The following SLC35F1 variants were observed in gnomAD, a reference collection of about 807,000 sequenced individuals.
The protein encoded by SLC35F1 is solute carrier family 35 member F1, also known as chromosome 6 open reading frame 169.
In SLC35F1, 14 loss-of-function variants were observed where a neutral mutation model predicts 48.7. The observed-to-expected ratio is 0.29, with a 90% CI of 0.19 to 0.45. The LOEUF is 0.45. Among genes scored for constraint, SLC35F1 ranks in the 20% least tolerant of loss-of-function variants. SLC35F1 has a pLI of 1.00. For synonymous variants in SLC35F1, 190 were observed against 202.2 expected, an observed-to-expected ratio of 0.94 and a Z score of 0.51; for missense variants, 404 against 500.0, an observed-to-expected ratio of 0.81 and a Z score of 1.83.
intron 1 of SLC35F1, among the ~76,000 whole-genome samples, chr6:117,976,810 T>G (rs1252886427): frequency 6.6e-6 from 1 of 152,200 alleles, no homozygotes; most frequent in Non-Finnish European, 1.5e-5. Context: ...TGCTCCATAA[T>G]CCTATAAATC....
rs185484761 is a variant in SLC35F1 at position 118,140,449 on chromosome 6, T to A, written c.174-13996T>A. On this transcript the variant is annotated intron_variant, in intron 1 of 7. Transcript: ENST00000360388. ...TAGTGGTGTAAACAAACTTCTATGCTGGCAGTCGTACAAAAGTATAGCACA... is the reference window on the plus strand; with the variant it reads ...TAGTGGTGTAAACAAACTTCTATGCAGGCAGTCGTACAAAAGTATAGCACA... 5.9e-5 allele frequency among the ~76,000 whole-genome samples: 9 copies of A among 152,364 alleles called. No homozygotes were observed. In the East Asian group the frequency reaches 1.7e-3, roughly 29 times the overall value.
At chr6:118,098,986 T>C (rs1260078042) in intron 1 of SLC35F1, among the ~76,000 whole-genome samples, 2 of 152,170 alleles carry the variant, frequency 1.3e-5, no homozygotes, top group Non-Finnish European at 2.9e-5. Context: ...TTATATATAA[T>C]GATGAATGTT....
intron 2 of SLC35F1, among the ~76,000 whole-genome samples, chr6:118,171,817 G>T (rs1397255156): frequency 6.8e-6 from 1 of 146,984 alleles, no homozygotes; most frequent in African/African-American, 2.7e-5. Flanking sequence ...GTGTAAGAGT[G>T]TGTCCCAGTG....
chr6:118,249,017 C>T (rs1472681316), intron 3 of SLC35F1, among the ~76,000 whole-genome samples: 2 of 152,208 alleles, frequency 1.3e-5, no homozygotes, highest in African/African-American at 2.4e-5. Context: ...AGAGAAATGA[C>T]TGCTGTCTAT....
intron 7 of SLC35F1, among the ~76,000 whole-genome samples, chr6:118,287,184 C>T (rs554505974): frequency 6.6e-6 from 1 of 152,152 alleles, no homozygotes; most frequent in Non-Finnish European, 1.5e-5. Flanking sequence ...GCTGGGAAGA[C>T]CAGCTTCCTT....
rs928777867 is a variant in SLC35F1, at chr6:118,174,684, C to G, written c.349+20064C>G. ...TCCATATTTGTTGAAACACATCAAACAGATCCATGAAGCTCAGCAAATCCC... is the reference window on the plus strand; with the variant it reads ...TCCATATTTGTTGAAACACATCAAAGAGATCCATGAAGCTCAGCAAATCCC... On this transcript the variant is annotated intron_variant, in intron 2 of 7. Coordinates refer to ENST00000360388, the MANE Select transcript of SLC35F1 (RefSeq NM_001029858.4). 4.6e-5 allele frequency among the ~76,000 whole-genome samples: 7 copies of G among 151,932 alleles called. No homozygotes were observed. In the East Asian group the frequency reaches 1.4e-3, roughly 29 times the overall value.
chr6:118,304,517 T>G (rs1484973122), intron 7 of SLC35F1, among the ~76,000 whole-genome samples: 1 of 152,174 alleles, frequency 6.6e-6, no homozygotes, highest in Non-Finnish European at 1.5e-5. Context: ...GATGGGTTGA[T>G]TGTTCTGTTC....
In SLC35F1 at chr6:118,142,369, G is replaced by A. The variant is rs138806697; in HGVS notation, c.174-12076G>A. On this transcript the variant is annotated intron_variant, in intron 1 of 7. Transcript: ENST00000360388. ...AGAATGGAACAGATTAACATATCAAGTCTTTAAACATTCTCCTTAGATTGC... is the reference window on the plus strand; with the variant it reads ...AGAATGGAACAGATTAACATATCAAATCTTTAAACATTCTCCTTAGATTGC... Among the ~76,000 whole-genome samples the A allele has an allele frequency of 2.7e-3, 413 of 152,240 alleles. 2 individuals are homozygous for A. Among genetic ancestry groups the A allele is most frequent in the African/African-American group, 9.2e-3 (382 of 41,566 alleles).
intron 1 of SLC35F1, among the ~76,000 whole-genome samples, chr6:117,920,483 A>T (rs1331889521): frequency 6.6e-6 from 1 of 152,192 alleles, no homozygotes; most frequent in Non-Finnish European, 1.5e-5. Context: ...CTACTTGCGG[A>T]GAAAGTCTGA....
intron 1 of SLC35F1, among the ~76,000 whole-genome samples, chr6:118,079,176 T>C (rs938754082): frequency 6.6e-6 from 1 of 152,172 alleles, no homozygotes; most frequent in African/African-American, 2.4e-5. Flanking sequence ...AGAAACTCTG[T>C]AAATATTAAG....
intron 1 of SLC35F1, among the ~76,000 whole-genome samples, chr6:118,143,525 C>T (rs1052181446): frequency 7.2e-5 from 11 of 152,042 alleles, no homozygotes; most frequent in Admixed American, 1.3e-4. Flanking sequence ...TGTTTTCCTT[C>T]CTCAGTTTCT....
At chr6:117,943,688 C>T (rs1776260680) in intron 1 of SLC35F1, among the ~76,000 whole-genome samples, 1 of 152,130 alleles carries the variant, frequency 6.6e-6, no homozygotes, top group Admixed American at 6.6e-5. Flanking sequence ...TTGAAGTGAA[C>T]ATGAGGACTA....
chr6:117,908,598 C>G (rs192814708), intron 1 of SLC35F1, among the ~76,000 whole-genome samples: 441 of 152,344 alleles, frequency 2.9e-3, no homozygotes, highest in African/African-American at 0.01. Flanking sequence ...GGGTGCCGAT[C>G]GCCGGCGCCT....
chr6:118,076,521 C>T (rs1427806034), intron 1 of SLC35F1, among the ~76,000 whole-genome samples: 4 of 152,032 alleles, frequency 2.6e-5, no homozygotes, highest in Admixed American at 6.6e-5. Context: ...CACATGGTGA[C>T]GAGAGAGACG....
At chr6:118,219,877 A>G (rs185924577) in intron 2 of SLC35F1, among the ~76,000 whole-genome samples, 1 of 152,284 alleles carries the variant, frequency 6.6e-6, no homozygotes, top group East Asian at 1.9e-4. Context: ...AGGGACATGG[A>G]TGGAGCTGGA....
chr6:118,233,626 T>C (rs949715554), intron 2 of SLC35F1, among the ~76,000 whole-genome samples: 1 of 152,168 alleles, frequency 6.6e-6, no homozygotes, highest in African/African-American at 2.4e-5. Flanking sequence ...TATGGATAAG[T>C]ATATGAGTAA....
intron 1 of SLC35F1, among the ~76,000 whole-genome samples, chr6:118,068,980 G>A (rs549228731): frequency 6.6e-6 from 1 of 152,128 alleles, no homozygotes; most frequent in African/African-American, 2.4e-5. Flanking sequence ...AATATAATAT[G>A]TGCCAAAAGT....
intron 1 of SLC35F1, among the ~76,000 whole-genome samples, chr6:118,140,420 G>A (rs116883440): frequency 6.6e-6 from 1 of 152,284 alleles, no homozygotes; most frequent in Non-Finnish European, 1.5e-5. Context: ...GACATTTCTG[G>A]TGATAGTGGT....
At chr6:118,295,408 C>T (rs1410440413) in intron 7 of SLC35F1, among the ~76,000 whole-genome samples, 1 of 152,130 alleles carries the variant, frequency 6.6e-6, no homozygotes, top group Non-Finnish European at 1.5e-5. Context: ...AACACTAAAA[C>T]TTTAGTAGAC....
Sources: gnomAD v4.1 joint callset for allele counts (sites outside exome capture counted in the v4.1 genomes callset) on GRCh38, gnomAD v4.1.1 for gene constraint, MANE v1.5 for transcripts, NCBI Gene and HGNC (gene_info 2026-07-23, HGNC 2026-07-21) for gene names.